Variants in HLA-DQB2 observed in about 807,000 individuals in gnomAD.
The protein encoded by HLA-DQB2 is major histocompatibility complex, class II, DQ beta 2, also known as HLA class II histocompatibility antigen, DQ beta 2 chain.
In HLA-DQB2, 24 loss-of-function variants were observed where a neutral mutation model predicts 29.2. That is an observed-to-expected ratio of 0.82 (90% CI 0.60 to 1.16). HLA-DQB2 has a LOEUF of 1.16. Ranked by LOEUF, HLA-DQB2 falls within the 50% of genes most tolerant of loss-of-function variation. The pLI, the probability that HLA-DQB2 is intolerant of heterozygous loss-of-function variation, is 0.00. For missense variants in HLA-DQB2, 273 were observed against 343.6 expected, an observed-to-expected ratio of 0.79 and a Z score of 1.62; for synonymous variants, 104 against 133.1, an observed-to-expected ratio of 0.78 and a Z score of 1.51.
intron 5 of HLA-DQB2, chr6:32,756,955 T>C: frequency 2.4e-6 from 3 of 1,227,504 alleles, no homozygotes; most frequent in Non-Finnish European, 3.1e-6. Context: ...CCCTAAGTCT[T>C]AACCCTCATA....
In HLA-DQB2 at chr6:32,756,319, CTG is replaced by C. The variant is rs777356205; in HGVS notation, c.*132_*133del. 184 of 684,296 alleles carry C rather than the reference CTG, an allele frequency of 2.7e-4. No individual in the cohort carries two copies. Among genetic ancestry groups the C allele is most frequent in the Admixed American group, 9.0e-4 (41 of 45,650 alleles). The allele number at this position is 684,296 out of a possible 1,614,324, so 42.4% of individuals were successfully genotyped here. On this transcript the variant is annotated 3_prime_UTR_variant, in exon 6 of 6. Transcript: ENST00000437316. ...TGGGATGGGGATCACAGAAGGTGAC[CTG>C]TGGCTGCATGAGCCACTGTAGGACT...
chr6:32,757,082 C>T, intron 5 of HLA-DQB2, 199 bp downstream of exon 5: 2 of 1,423,766 alleles, frequency 1.4e-6, no homozygotes, highest in Non-Finnish European at 1.8e-6. Flanking sequence ...TGCAGTGGCG[C>T]CATCTTGGCT....
intron 4 of HLA-DQB2, 23 bp from the exon 5 acceptor site, chr6:32,757,327 G>GA: frequency 6.6e-7 from 1 of 1,511,300 alleles, no homozygotes; most frequent in Non-Finnish European, 9.0e-7. Flanking sequence ...GTTATACAGA[G>GA]AAAGGTCTTG....
rs1249792995 is a variant in HLA-DQB2, at chr6:32,761,666, G to A, written c.358C>T (p.Arg120Trp). 4 of 1,547,846 alleles carry A rather than the reference G, an allele frequency of 2.6e-6. No homozygotes were observed. The South Asian group carries it at 4.8e-5, about 18-fold the overall frequency. Reference sequence around the variant, plus strand: ...GAAGGACGACGACGCTCACCTTGCCGCTGCAAGGTCGTGCGCAGCTCCGCC... The same window carrying A: ...GAAGGACGACGACGCTCACCTTGCCACTGCAAGGTCGTGCGCAGCTCCGCC... ...YEAELRTTLQ[R>W]QVEPTVTISP... Residue 120 changes from arginine (R) to tryptophan (W), a missense_variant, in exon 2 of 6, where the codon CGG (arginine) becomes TGG (tryptophan). Arg to Trp is a moderately radical substitution (Grantham distance 101, BLOSUM62 -3). Transcript: ENST00000437316.
In HLA-DQB2 at chr6:32,761,802, C is replaced by G; in HGVS notation, c.222G>C (p.Glu74Asp). Residue 74 changes from glutamate to aspartate, a missense_variant, in exon 2 of 6, where the codon GAG becomes GAC. Coordinates refer to ENST00000437316, the MANE Select transcript of HLA-DQB2 (RefSeq NM_001300790.2). ...GCCCCAGCTCGGTCACCGCCTGGAACTCCCCAACGTCGCTGTCGAAGCGCC... is the reference window on the plus strand; with the variant it reads ...GCCCCAGCTCGGTCACCGCCTGGAAGTCCCCAACGTCGCTGTCGAAGCGCC... ...EYGRFDSDVG[E>D]FQAVTELGRS... The G allele has an allele frequency of 6.3e-7, 1 of 1,597,780 alleles. No individual in the cohort carries two copies. Among genetic ancestry groups the G allele is most frequent in the Non-Finnish European group, 8.5e-7 (1 of 1,172,204 alleles).
At chr6:32,758,704 G>A (rs924822235) in intron 3 of HLA-DQB2, 146 bp downstream of exon 3, 4 of 874,430 alleles carry the variant, frequency 4.6e-6, no homozygotes, top group Non-Finnish European at 6.9e-6. Flanking sequence ...TGATGTGCTT[G>A]CCATGGGGCA....
intron 2 of HLA-DQB2, 41 bp downstream of exon 2, chr6:32,761,619 C>G: frequency 6.6e-7 from 1 of 1,515,862 alleles, no homozygotes; most frequent in Non-Finnish European, 8.8e-7. Flanking sequence ...GACTCGGGCC[C>G]CGGCCAAGGG....
chr6:32,761,855 T>A lies in HLA-DQB2; in HGVS notation c.169A>T (p.Arg57Ter). 5 of 1,611,484 alleles carry A rather than the reference T, an allele frequency of 3.1e-6. No homozygotes were observed. The highest frequency in any genetic ancestry group is 4.2e-6 in the Non-Finnish European group (5 of 1,178,876). The stretch of plus-strand genomic sequence containing the variant: ...TACTCCTCGCGGTTATAGATGTATC[T>A]GGCCACACCGCGCACGCGCTCTGTC... ...NGTERVRGVA[R>*]YIYNREEYGR... Residue 57 changes from arginine (R) to a stop codon, truncating the protein, a stop_gained, in exon 2 of 6, where the codon AGA (arginine) becomes TGA (stop). Coordinates refer to ENST00000437316, the MANE Select transcript of HLA-DQB2 (RefSeq NM_001300790.2). LOFTEE classifies it high-confidence loss of function.
intron 4 of HLA-DQB2, 21 bp downstream of exon 4, chr6:32,757,744 CTTCCCCAT>C (rs1361719103): frequency 6.6e-7 from 1 of 1,510,542 alleles, no homozygotes. Context: ...CACAGCTCAT[CTTCCCCAT>C]TTCCCCCTTG....
intron 1 of HLA-DQB2, 62 bp from the exon 2 acceptor site, chr6:32,761,988 G>T: frequency 6.4e-7 from 1 of 1,553,862 alleles, no homozygotes; most frequent in South Asian, 1.2e-5. Flanking sequence ...GCCCCCAGCC[G>T]GACCGCACCC....
intron 5 of HLA-DQB2, chr6:32,756,783 C>T (rs1158214377): frequency 2.4e-6 from 3 of 1,237,718 alleles, no homozygotes; most frequent in Non-Finnish European, 3.0e-6. Context: ...AAAATGCCTA[C>T]AGGCAGTAGC....
intron 2 of HLA-DQB2, among the ~76,000 whole-genome samples, chr6:32,760,113 G>A (rs1030833524): frequency 7.9e-6 from 1 of 126,902 alleles, no homozygotes; most frequent in Non-Finnish European, 1.8e-5. Flanking sequence ...ACTTGAAATG[G>A]CAAAAATATA....
intron 2 of HLA-DQB2, among the ~76,000 whole-genome samples, chr6:32,760,535 C>T (rs1475272485): frequency 6.6e-6 from 1 of 151,712 alleles, no homozygotes; most frequent in Non-Finnish European, 1.5e-5. Context: ...ATGGTGTTTG[C>T]TAAGGCAATT....
rs745856868 is a variant in HLA-DQB2, at chr6:32,763,408, C to T, written c.63G>A (p.Leu21=). Residue 21 remains leucine, a synonymous_variant, in exon 1 of 6, where the codon CTG becomes CTA. Transcript: ENST00000437316. The part of the protein sequence containing the change: ...AAAVTVMLVM[L]STPVAEARDF... ...CTCTGGCCTCAGCCACTGGGGTGCT[C>T]AGCATCACCAGCATCACGGTCACAG... is the stretch of plus-strand genomic sequence containing the variant. The T allele has an allele frequency of 2.6e-6, 4 of 1,565,050 alleles. No homozygotes were observed. The highest frequency in any genetic ancestry group is 4.7e-5 in the East Asian group (2 of 43,002).
At chr6:32,762,433 C>T (rs1323460686) in intron 1 of HLA-DQB2, among the ~76,000 whole-genome samples, 1 of 144,196 alleles carries the variant, frequency 6.9e-6, no homozygotes, top group Non-Finnish European at 1.5e-5. Context: ...CCAAGTAAAC[C>T]CATGCCTGGA....
chr6:32,759,069 C>G lies in HLA-DQB2; in HGVS notation c.427G>C (p.Val143Leu). 4 of 1,613,510 alleles carry G rather than the reference C, an allele frequency of 2.5e-6. No homozygotes were observed. The highest frequency in any genetic ancestry group is 3.4e-6 in the Non-Finnish European group (4 of 1,179,622). Residue 143 changes from valine to leucine, a missense_variant, in exon 3 of 6, where the codon GTC becomes CTC. By Grantham distance (32) the Val-to-Leu change is conservative (BLOSUM62 1). Coordinates refer to ENST00000437316, the MANE Select transcript of HLA-DQB2 (RefSeq NM_001300790.2). Reference sequence around the variant, plus strand: ...GGATAGAAATCTGTCACCGAGCAGACCAGCAGGTTGTGGTGGTTGAGGGCC... The same window carrying G: ...GGATAGAAATCTGTCACCGAGCAGAGCAGCAGGTTGTGGTGGTTGAGGGCC... Reference protein sequence around the residue: ...TEALNHHNLLVCSVTDFYPAQ... With the variant: ...TEALNHHNLLLCSVTDFYPAQ...
intron 2 of HLA-DQB2, 91 bp downstream of exon 2, chr6:32,761,569 T>C: frequency 7.2e-7 from 1 of 1,396,608 alleles, no homozygotes; most frequent in East Asian, 2.5e-5. Flanking sequence ...CAGGGCTCGG[T>C]CCTTGAGGCC....
rs777313716 is a variant in HLA-DQB2, at chr6:32,763,366, G to T, written c.97+8C>A. 5.2e-6 allele frequency: 8 copies of T among 1,533,096 alleles called. No homozygotes were observed. The South Asian group carries it at 8.3e-5, about 16-fold the overall frequency. 95.0% of individuals were successfully genotyped at this position (1,533,096 alleles called of 1,614,324 possible). A position where few individuals can be genotyped will look rare whatever the true frequency, so the allele number is the denominator to read the frequency against. On this transcript the variant is annotated splice_region_variant and intron_variant, in intron 1 of 5. Coordinates refer to ENST00000437316, the MANE Select transcript of HLA-DQB2 (RefSeq NM_001300790.2). The stretch of plus-strand genomic sequence containing the variant: ...GGTGGCTCTCGAGAGCAGCTGCCCT[G>T]CACTTACTGGGAAAGTCTCTGGCCT...
chr6:32,763,082 C>T (rs1241273385), intron 1 of HLA-DQB2, among the ~76,000 whole-genome samples: 1 of 151,450 alleles, frequency 6.6e-6, no homozygotes, highest in Non-Finnish European at 1.5e-5. Flanking sequence ...AATGCATAAC[C>T]GTGGAGTGCC....
Sources: allele counts gnomAD v4.1 joint callset (sites outside exome capture counted in the v4.1 genomes callset), GRCh38; gene constraint gnomAD v4.1.1; transcripts MANE v1.5; gene names NCBI Gene and HGNC (gene_info 2026-07-23, HGNC 2026-07-21).